HTR7: variants seen among roughly 807,000 people sequenced by gnomAD.
HTR7 encodes 5-hydroxytryptamine receptor 7.
Under a neutral mutation model 34.0 loss-of-function variants are expected in HTR7, and 16 were observed. That is an observed-to-expected ratio of 0.47 (90% CI 0.32 to 0.71). The LOEUF (loss-of-function observed/expected upper bound fraction) is 0.71. Among genes scored for constraint, HTR7 ranks in the 30% least tolerant of loss-of-function variants. HTR7 has a pLI of 0.04. For missense variants in HTR7, 504 were observed against 625.5 expected (o/e 0.81, Z 2.07); for synonymous variants, 265 against 260.2 (o/e 1.02, Z -0.18).
intron 1 of HTR7, among the ~76,000 whole-genome samples, chr10:90,781,767 A>G (rs1447389755): frequency 6.6e-6 from 1 of 152,186 alleles, no homozygotes; most frequent in East Asian, 1.9e-4. Context: ...TTTCTACATC[A>G]AAATCTAGAT....
At chr10:90,825,586 G>A (rs1846058219) in intron 1 of HTR7, among the ~76,000 whole-genome samples, 1 of 152,164 alleles carries the variant, frequency 6.6e-6, no homozygotes, top group African/African-American at 2.4e-5. Context: ...GCAGTTTTGA[G>A]AAAACTCAAT....
At chr10:90,786,534 G>A (rs1432371987) in intron 1 of HTR7, among the ~76,000 whole-genome samples, 1 of 152,204 alleles carries the variant, frequency 6.6e-6, no homozygotes, top group East Asian at 1.9e-4. Flanking sequence ...CCAGGGAAGA[G>A]TAAGAAAACC....
At chr10:90,757,786 AAAAG>A (rs1048552155) in intron 1 of HTR7, among the ~76,000 whole-genome samples, 2 of 152,352 alleles carry the variant, frequency 1.3e-5, no homozygotes, top group South Asian at 2.1e-4. Context: ...ATGAAAGGAA[AAAAG>A]AAAGAAAGAG....
At chr10:90,752,900 G>A (rs1465334888) in intron 1 of HTR7, among the ~76,000 whole-genome samples, 4 of 152,090 alleles carry the variant, frequency 2.6e-5, no homozygotes, top group Non-Finnish European at 5.9e-5. Context: ...ATATTGGCAA[G>A]TATTTCCACA....
At chr10:90,826,723 C>A (rs922495238) in intron 1 of HTR7, among the ~76,000 whole-genome samples, 2 of 151,550 alleles carry the variant, frequency 1.3e-5, no homozygotes, top group Admixed American at 6.6e-5. Flanking sequence ...GGATCACGAG[C>A]TCAGGAGATC....
intron 1 of HTR7, among the ~76,000 whole-genome samples, chr10:90,752,066 G>A (rs1469481494): frequency 6.6e-6 from 1 of 152,058 alleles, no homozygotes; most frequent in African/African-American, 2.4e-5. Flanking sequence ...CATAAACTCT[G>A]TTCTACATTA....
chr10:90,797,348 G>A (rs569433466), intron 1 of HTR7, among the ~76,000 whole-genome samples: 1 of 152,216 alleles, frequency 6.6e-6, no homozygotes, highest in African/African-American at 2.4e-5. Context: ...GTTTTAATAT[G>A]TCTATTGTGA....
chr10:90,833,438 A>G (rs1846208307), intron 1 of HTR7, among the ~76,000 whole-genome samples: 1 of 152,224 alleles, frequency 6.6e-6, no homozygotes, highest in African/African-American at 2.4e-5. Flanking sequence ...ACCTGATTAA[A>G]TTATCTAAGC....
At chr10:90,792,346 A>G (rs1376545956) in intron 1 of HTR7, among the ~76,000 whole-genome samples, 2 of 151,776 alleles carry the variant, frequency 1.3e-5, no homozygotes, top group Non-Finnish European at 2.9e-5. Flanking sequence ...GTGGGTTTTC[A>G]TTGTTTTGTT....
chr10:90,782,698 G>A (rs1589448657), intron 1 of HTR7, among the ~76,000 whole-genome samples: 1 of 152,294 alleles, frequency 6.6e-6, no homozygotes, highest in East Asian at 1.9e-4. Context: ...GTAAACCCCT[G>A]ATCCATGGAG....
In HTR7 at chr10:90,749,638, A is replaced by G. The variant is rs756494770; in HGVS notation, c.540-44T>C. 72 of 1,548,610 alleles carry G rather than the reference A, an allele frequency of 4.6e-5. No homozygotes were observed. The highest frequency in any genetic ancestry group is 6.1e-5 in the Non-Finnish European group (70 of 1,144,458). On this transcript the variant is annotated intron_variant, in intron 1 of 3. Coordinates refer to ENST00000336152, the MANE Select transcript of HTR7 (RefSeq NM_019859.4). This position sits in a 1 kb window ranked among gnomAD's most constrained non-coding sequence, Gnocchi z 4.2. ...GATAACAGATGAACACCGTGATCAT[A>G]ACTGGTCAACCAAGCAAGTCCTGCC...
intron 2 of HTR7, 159 bp from the exon 3 acceptor site, chr10:90,743,849 A>G (rs1365515969): frequency 4.9e-5 from 36 of 736,384 alleles, no homozygotes; most frequent in Non-Finnish European, 8.4e-5. Context: ...AATTAAAATT[A>G]CCAGTGCAAA....
chr10:90,840,963 T>C (rs1292900850), intron 1 of HTR7, among the ~76,000 whole-genome samples: 1 of 152,200 alleles, frequency 6.6e-6, no homozygotes, highest in East Asian at 1.9e-4. Context: ...ATCCCCAGCA[T>C]TAAGTACAGT....
At chr10:90,765,631 C>T (rs1564674482) in intron 1 of HTR7, among the ~76,000 whole-genome samples, 1 of 150,990 alleles carries the variant, frequency 6.6e-6, no homozygotes, top group Non-Finnish European at 1.5e-5. Flanking sequence ...TATTTAGGTT[C>T]TTTCTTTTTT....
At chr10:90,815,027 A>T (rs1845876281) in intron 1 of HTR7, among the ~76,000 whole-genome samples, 2 of 152,258 alleles carry the variant, frequency 1.3e-5, no homozygotes, top group South Asian at 4.1e-4. Context: ...GTCATAAAAG[A>T]AGTTTCTGGG....
At chr10:90,841,316 A>G (rs1230735122) in intron 1 of HTR7, among the ~76,000 whole-genome samples, 1 of 152,180 alleles carries the variant, frequency 6.6e-6, no homozygotes, top group African/African-American at 2.4e-5. Context: ...GGTTGTATTA[A>G]TTTCTATTGG....
rs545127990 is a variant in HTR7 at position 90,828,867 on chromosome 10, G to A, written c.539+28266C>T. Among the ~76,000 whole-genome samples, 11 of 151,386 alleles carry A rather than the reference G, an allele frequency of 7.3e-5. No homozygotes were observed. The East Asian group carries it at 1.4e-3, about 19-fold the overall frequency. On this transcript the variant is annotated intron_variant, in intron 1 of 3. Coordinates refer to ENST00000336152, the MANE Select transcript of HTR7 (RefSeq NM_019859.4). Reference sequence around the variant, plus strand: ...CCTGATGCCAACACCAGATGAAAACGCATCCAAAAAATAAGAAAACTAGAT... The same window carrying A: ...CCTGATGCCAACACCAGATGAAAACACATCCAAAAAATAAGAAAACTAGAT...
chr10:90,840,220 G>T lies in HTR7; in HGVS notation c.539+16913C>A, dbSNP rs527886881. ...ACACACACACACACACACACATCTGGCCTCTCTGTTAGAGCTCACTGCTTA... is the reference window on the plus strand; with the variant it reads ...ACACACACACACACACACACATCTGTCCTCTCTGTTAGAGCTCACTGCTTA... On this transcript the variant is annotated intron_variant, in intron 1 of 3. Transcript: ENST00000336152. Among the ~76,000 whole-genome samples the T allele has an allele frequency of 3.4e-4, 43 of 124,968 alleles. No individual in the cohort carries two copies. The South Asian group carries it at 6.8e-3, about 20-fold the overall frequency. The allele number at this position is 124,968 out of a possible 152,430, so 82.0% of individuals were successfully genotyped here.
chr10:90,796,403 A>G (rs189057252), intron 1 of HTR7, among the ~76,000 whole-genome samples: 1 of 152,240 alleles, frequency 6.6e-6, no homozygotes, highest in African/African-American at 2.4e-5. Flanking sequence ...AAAAGAGTGA[A>G]ATCTTTCAAA....
Sources: gnomAD v4.1 joint callset for allele counts (sites outside exome capture counted in the v4.1 genomes callset) on GRCh38, gnomAD v4.1.1 for gene constraint, Gnocchi (gnomAD v3.1) non-coding constraint, MANE v1.5 for transcripts, NCBI Gene and HGNC (gene_info 2026-07-23, HGNC 2026-07-21) for gene names.